SCAMP4: variants seen among roughly 807,000 people sequenced by gnomAD.
SCAMP4 encodes secretory carrier-associated membrane protein 4.
Under a neutral mutation model 32.1 loss-of-function variants are expected in SCAMP4, and 19 were observed. The ratio of observed to expected loss-of-function variants is 0.59; its 90% CI spans 0.41 to 0.87. The LOEUF (loss-of-function observed/expected upper bound fraction) is 0.87. Ranked by LOEUF, SCAMP4 falls within the 40% of genes least tolerant of loss-of-function variation. The pLI is 0.00. For missense variants in SCAMP4, 302 were observed against 309.0 expected (o/e 0.98, Z 0.17); for synonymous variants, 152 against 132.7 (o/e 1.15, Z -1.00).
chr19:1,920,860 C>G (rs151017829), intron 5 of SCAMP4: 61 of 985,484 alleles, frequency 6.2e-5, no homozygotes, highest in Non-Finnish European at 7.1e-5. Flanking sequence ...AGGTGAGTGC[C>G]CACATGTGAC....
intron 1 of SCAMP4, chr19:1,913,378 G>T (rs1253177180): frequency 3.1e-6 from 2 of 651,790 alleles, no homozygotes; most frequent in Non-Finnish European, 5.3e-6. Context: ...CGCCCTTGCT[G>T]CGTTTGTGTC....
At chr19:1,922,111 C>T (rs2013938822) in intron 5 of SCAMP4, 1 of 985,338 alleles carries the variant, frequency 1.0e-6, no homozygotes, top group African/African-American at 1.7e-5. Context: ...GTTTCATCAC[C>T]TGTTAAGACA....
rs567016553 is a variant in SCAMP4 at position 1,917,812 on chromosome 19, G to A, written c.126G>A (p.Arg42=). 1.9e-6 allele frequency: 3 copies of A among 1,613,998 alleles called. No individual in the cohort carries two copies. The highest frequency in any genetic ancestry group is 2.7e-5 in the African/African-American group (2 of 75,068). Residue 42 remains arginine (R), a synonymous_variant, in exon 3 of 7, where the codon CGG becomes CGA. Coordinates refer to ENST00000316097, the MANE Select transcript of SCAMP4 (RefSeq NM_079834.4). ...EHQVLVKRIY[R]LWMFYCATLG... is the part of the protein sequence containing the mutation. ...AGGTCCTGGTGAAGAGGATCTACCGGCTGTGGATGTGTGAGTGCGCCTGGG... is the reference window on the plus strand; with the variant it reads ...AGGTCCTGGTGAAGAGGATCTACCGACTGTGGATGTGTGAGTGCGCCTGGG...
chr19:1,911,840 AT>A, intron 1 of SCAMP4: 1 of 467,574 alleles, frequency 2.1e-6, no homozygotes, highest in Admixed American at 4.3e-5. Context: ...TAGGTGAATT[AT>A]ATCTTCGTTT....
At chr19:1,913,180 C>G (rs1366477187) in intron 1 of SCAMP4, 1 of 1,479,270 alleles carries the variant, frequency 6.8e-7, no homozygotes, top group Non-Finnish European at 9.0e-7. Flanking sequence ...CGGACCCTTC[C>G]CGCTCCCGGC....
At chr19:1,919,741 C>T (rs942466798) in intron 5 of SCAMP4, among the ~76,000 whole-genome samples, 22 of 151,848 alleles carry the variant, frequency 1.4e-4, no homozygotes, top group African/African-American at 3.6e-4. Context: ...TCAGGCAATC[C>T]GCCTTTCTCA....
rs1293866794 is a variant in SCAMP4, at chr19:1,923,230, C to T, written c.513+43C>T. On this transcript the variant is annotated intron_variant, in intron 6 of 6. Coordinates refer to ENST00000316097, the MANE Select transcript of SCAMP4 (RefSeq NM_079834.4). ...TGACGTCCAGCCCTTACCCCTTCTCCATGAACCTCGTCACCCAACTGTCCC... is the reference window on the plus strand; with the variant it reads ...TGACGTCCAGCCCTTACCCCTTCTCTATGAACCTCGTCACCCAACTGTCCC... The T allele has an allele frequency of 3.4e-6, 5 of 1,488,374 alleles. No individual in the cohort carries two copies. In the Admixed American group the frequency reaches 8.4e-5, roughly 25 times the overall value. 92.2% of individuals were successfully genotyped at this position (1,488,374 alleles called of 1,614,324 possible). A position where few individuals can be genotyped will look rare whatever the true frequency, so the allele number is the denominator to read the frequency against.
chr19:1,905,529 A>T, intron 1 of SCAMP4, 90 bp downstream of exon 1: 1 of 342,336 alleles, frequency 2.9e-6, no homozygotes, highest in Non-Finnish European at 6.4e-6. Context: ...CTCGGCGGTG[A>T]GGGGCGCCGG....
chr19:1,912,569 C>T lies in SCAMP4; in HGVS notation c.-41-2410C>T, dbSNP rs373784387. 21,458 of 1,497,734 alleles carry T rather than the reference C, an allele frequency of 0.014. 177 individuals are homozygous for T. Among genetic ancestry groups the T allele is most frequent in the Non-Finnish European group, 0.017 (19,758 of 1,130,372 alleles). 92.8% of individuals were successfully genotyped at this position (1,497,734 alleles called of 1,614,324 possible). On this transcript the variant is annotated intron_variant, in intron 1 of 6. Coordinates refer to ENST00000316097, the MANE Select transcript of SCAMP4 (RefSeq NM_079834.4). ...TCCACGAGGACAAGCAGGTGACCAG[C>T]GCCCTGGCTGGGCGGCTCTTCTCCA...
chr19:1,918,326 A>C (rs2013805492), intron 4 of SCAMP4, 43 bp downstream of exon 4: 3 of 1,534,102 alleles, frequency 2.0e-6, no homozygotes, highest in Non-Finnish European at 2.6e-6. Context: ...AGAGGGAACC[A>C]GGGCCCACTC....
Position 1,918,289 on chromosome 19 carries a change from C to T in SCAMP4, c.293+6C>T, listed in dbSNP as rs1256291933. Reference sequence around the variant, plus strand: ...CCTGTCTACAAGGCCTTCCGGTGAGCAGAGCTGCCGGGGGCCGTCTGCACC... The same window carrying T: ...CCTGTCTACAAGGCCTTCCGGTGAGTAGAGCTGCCGGGGGCCGTCTGCACC... On this transcript the variant is annotated splice_donor_region_variant and intron_variant, in intron 4 of 6. Coordinates refer to ENST00000316097, the MANE Select transcript of SCAMP4 (RefSeq NM_079834.4). 6.3e-7 allele frequency: 1 copy of T among 1,592,994 alleles called. No individual in the cohort carries two copies. Among genetic ancestry groups the T allele is most frequent in the Admixed American group, 1.7e-5 (1 of 58,846 alleles).
intron 1 of SCAMP4, chr19:1,914,479 G>A: frequency 5.8e-6 from 1 of 172,314 alleles, no homozygotes; most frequent in Admixed American, 5.5e-5. Context: ...CCTCCCGATG[G>A]CAGGTCCGCC....
chr19:1,911,271 A>C (rs2145433355), intron 1 of SCAMP4, among the ~76,000 whole-genome samples: 1 of 151,922 alleles, frequency 6.6e-6, no homozygotes, highest in Non-Finnish European at 1.5e-5. Flanking sequence ...TTCCGGCCTC[A>C]AGTGCTCCTC....
intron 2 of SCAMP4, among the ~76,000 whole-genome samples, chr19:1,916,293 G>A (rs973517301): frequency 7.2e-5 from 11 of 152,036 alleles, no homozygotes; most frequent in African/African-American, 2.7e-4. Flanking sequence ...GATGGAGGCA[G>A]AGGCCAGAGC....
At chr19:1,917,274 C>T (rs1315016441) in intron 2 of SCAMP4, among the ~76,000 whole-genome samples, 1 of 152,190 alleles carries the variant, frequency 6.6e-6, no homozygotes, top group African/African-American at 2.4e-5. Flanking sequence ...CCACTGCCCT[C>T]TAGCCTGGGA....
chr19:1,923,051 A>T lies in SCAMP4; in HGVS notation c.396-19A>T. 1 of 1,527,964 alleles carries T rather than the reference A, an allele frequency of 6.5e-7. No homozygotes were observed. The highest frequency in any genetic ancestry group is 8.8e-7 in the Non-Finnish European group (1 of 1,132,842). 94.7% of individuals were successfully genotyped at this position (1,527,964 alleles called of 1,614,324 possible). A position where few individuals can be genotyped will look rare whatever the true frequency, so the allele number is the denominator to read the frequency against. On this transcript the variant is annotated intron_variant, in intron 5 of 6. Transcript: ENST00000316097. ...CCAGCAGGTGTGCAGGCACCCACGC[A>T]CTCTCTTGTCCCTTGCAGCGGCTGG...
At chr19:1,919,087 T>G in intron 5 of SCAMP4, 97 bp downstream of exon 5, 10 of 1,545,074 alleles carry the variant, frequency 6.5e-6, no homozygotes, top group Non-Finnish European at 8.7e-6. Flanking sequence ...AGCGTGCTGG[T>G]CCGGGATTGT....
intron 5 of SCAMP4, chr19:1,922,534 C>G (rs2013952317): frequency 1.0e-6 from 1 of 985,334 alleles, no homozygotes; most frequent in Non-Finnish European, 1.2e-6. Context: ...TGCGCCCGGC[C>G]TCCTCATTGT....
rs1348851806 is a variant in SCAMP4 at position 1,912,868 on chromosome 19, A to G, written c.-41-2111A>G. 1.9e-6 allele frequency: 3 copies of G among 1,599,856 alleles called. No individual in the cohort carries two copies. The highest frequency in any genetic ancestry group is 2.5e-6 in the Non-Finnish European group (3 of 1,177,386). ...TCCTTCGCCCCGGCCGCTGCCCCCCAGGCCGTCCGCGCAGGCGCCGTGCGT... is the reference window on the plus strand; with the variant it reads ...TCCTTCGCCCCGGCCGCTGCCCCCCGGGCCGTCCGCGCAGGCGCCGTGCGT... On this transcript the variant is annotated intron_variant, in intron 1 of 6. Coordinates refer to ENST00000316097, the MANE Select transcript of SCAMP4 (RefSeq NM_079834.4).
Sources: gnomAD v4.1 joint callset for allele counts (sites outside exome capture counted in the v4.1 genomes callset) on GRCh38, gnomAD v4.1.1 for gene constraint, MANE v1.5 for transcripts, NCBI Gene and HGNC (gene_info 2026-07-23, HGNC 2026-07-21) for gene names.